PLEC: variants seen among roughly 807,000 people sequenced by gnomAD.
PLEC encodes the protein hemidesmosomal protein 1.
Under a neutral mutation model 392.8 loss-of-function variants are expected in PLEC, and 216 were observed. That is an observed-to-expected ratio of 0.55 (90% CI 0.49 to 0.62). The LOEUF is 0.62. PLEC is among the 20% of genes least tolerant of loss of function. The pLI is 0.00. For synonymous variants in PLEC, 3,621 were observed against 2,980.6 expected (o/e 1.21, Z -7.00); for missense variants, 6,863 against 6,563.4 (o/e 1.05, Z -1.58).
Position 143,934,285 on chromosome 8 carries a change from G to C in PLEC, c.1169+33C>G, listed in dbSNP as rs541672848. On this transcript the variant is annotated intron_variant, in intron 11 of 31. Coordinates refer to ENST00000345136, the MANE Select transcript of PLEC (RefSeq NM_201384.3). Reference sequence around the variant, plus strand: ...TTCCCAGGCAGTGACACACCCTCGGGTGGTTCCCCTGCCACCACAGGGCCC... The same window carrying C: ...TTCCCAGGCAGTGACACACCCTCGGCTGGTTCCCCTGCCACCACAGGGCCC... 2.2e-5 allele frequency: 36 copies of C among 1,610,170 alleles called. No homozygotes were observed. In the South Asian group the frequency reaches 2.9e-4, roughly 13 times the overall value.
In PLEC at chr8:143,962,448, G is replaced by C. The variant is rs908593695; in HGVS notation, c.70+10955C>G. ...GGCGCCCTGCCTGTGGCTCTTCCCTGTGGGAATCAAAGGAAATCAATACAG... is the reference window on the plus strand; with the variant it reads ...GGCGCCCTGCCTGTGGCTCTTCCCTCTGGGAATCAAAGGAAATCAATACAG... On this transcript the variant is annotated intron_variant, in intron 1 of 31. Coordinates refer to the PLEC transcript ENST00000356346. 7.0e-4 allele frequency among the ~76,000 whole-genome samples: 107 copies of C among 152,240 alleles called. 1 individual carries two copies. Among genetic ancestry groups the C allele is most frequent in the Non-Finnish European group, 1.2e-3 (85 of 68,042 alleles).
chr8:143,955,198 C>G (rs146566239), upstream of PLEC, among the ~76,000 whole-genome samples: 3 of 152,130 alleles, frequency 2.0e-5, no homozygotes, highest in African/African-American at 4.8e-5. Flanking sequence ...AATTTCAGGC[C>G]GGGCACGGGG....
Position 143,917,328 on chromosome 8 carries a change from G to T in PLEC, c.12493C>A (p.His4165Asn). The change falls in exon 32 of 32, where the codon CAC (histidine) becomes AAC (asparagine). Residue 4165 changes from histidine (H) to asparagine (N), a missense_variant. Coordinates refer to ENST00000345136, the MANE Select transcript of PLEC (RefSeq NM_201384.3). ...TCGGACAGCTCCAGGTACGTCTGGT[G>T]GTCAATCAGGCCCTTGCGGTAGGCC... ...YEAYRKGLID[H>N]QTYLELSEQE... The T allele has an allele frequency of 6.2e-7, 1 of 1,609,704 alleles. No individual in the cohort carries two copies. Among genetic ancestry groups the T allele is most frequent in the South Asian group, 1.1e-5 (1 of 91,078 alleles).
In PLEC at chr8:143,929,773, G is replaced by C. The variant is rs1554711957; in HGVS notation, c.2796C>G (p.His932Gln). 1.2e-6 allele frequency: 2 copies of C among 1,600,610 alleles called. No individual in the cohort carries two copies. The highest frequency in any genetic ancestry group is 4.5e-5 in the East Asian group (2 of 44,842). Residue 932 changes from histidine (H) to glutamine (Q), a missense_variant, in exon 23 of 32, where the codon CAC (histidine) becomes CAG (glutamine). Transcript: ENST00000345136. The part of the protein sequence containing the change: ...QRQALHSLEL[H>Q]YQAFLRDSQD... ...GGCTGTCCCGCAGGAAGGCCTGGTA[G>C]TGCAGCTCCAGGCTGTGCAGGGCTT...
Position 143,939,447 on chromosome 8 carries a change from CT to C in PLEC, c.14del (p.Gln5ArgfsTer111). Reference protein sequence around the residue: MSQHQLRVPQPEGLG... With the variant: MSQHXLRVPQPEGLG... ...GGCCCTCGGGCTGCGGCACGCGGAG[CT>C]GGTGCTGAGACATGCTGCCCCCACA... is the stretch of plus-strand genomic sequence containing the variant. On this transcript the variant is annotated frameshift_variant, in exon 1 of 32. Coordinates refer to ENST00000345136, the MANE Select transcript of PLEC (RefSeq NM_201384.3). LOFTEE classifies it high-confidence loss of function. The C allele has an allele frequency of 6.2e-7, 1 of 1,611,820 alleles. No homozygotes were observed. The highest frequency in any genetic ancestry group is 8.5e-7 in the Non-Finnish European group (1 of 1,179,620).
intron 1 of PLEC, among the ~76,000 whole-genome samples, chr8:143,968,678 C>T (rs370602536): frequency 3.3e-5 from 5 of 152,166 alleles, no homozygotes; most frequent in African/African-American, 1.2e-4. Context: ...AAGGTAAATT[C>T]TAAAATGGAC....
At position 143,937,046 on chromosome 8, in the gene PLEC, T is replaced by C; in HGVS notation, c.368A>G (p.Asp123Gly). 1 of 1,613,012 alleles carries C rather than the reference T, an allele frequency of 6.2e-7. No homozygotes were observed. The highest frequency in any genetic ancestry group is 8.5e-7 in the Non-Finnish European group (1 of 1,179,780). ...RQVKLVNIRN[D>G]DIADGNPKLT... The stretch of plus-strand genomic sequence containing the variant: ...CTTGGGGTTGCCGTCAGCGATGTCA[T>C]CATTCCTGATGTTCACCAGCTTCAC... The change falls in exon 5 of 32, where the codon GAT becomes GGT. Residue 123 changes from aspartate (D) to glycine (G), a missense_variant. Coordinates refer to ENST00000345136, the MANE Select transcript of PLEC (RefSeq NM_201384.3).
chr8:143,945,086 G>T (rs1257537563), intron 1 of PLEC: 2 of 400,726 alleles, frequency 5.0e-6, no homozygotes, highest in Non-Finnish European at 9.7e-6. Flanking sequence ...GCCAGGGGGT[G>T]CTCTTGGAAA....
chr8:143,946,135 GTTC>G (rs1260107276), intron 1 of PLEC, among the ~76,000 whole-genome samples: 3 of 152,350 alleles, frequency 2.0e-5, no homozygotes, highest in Non-Finnish European at 2.9e-5. Flanking sequence ...GCAGCGGGCA[GTTC>G]TTCTACCACT....
At chr8:143,950,939 C>T (rs1832086194), upstream of PLEC, 3 of 865,778 alleles carry the variant, frequency 3.5e-6, no homozygotes, top group Admixed American at 7.0e-5. Flanking sequence ...CGGCTGCCCG[C>T]CTTCCTCCAG....
At chr8:143,946,381 G>A in intron 1 of PLEC, 3 of 1,288,946 alleles carry the variant, frequency 2.3e-6, no homozygotes, top group South Asian at 1.2e-5. Context: ...CCTCCATGCT[G>A]TACCTGTCCA....
chr8:143,929,060 C>T (rs553986502), intron 25 of PLEC, 43 bp downstream of exon 25: 18 of 1,535,758 alleles, frequency 1.2e-5, no homozygotes, highest in East Asian at 4.9e-5. Context: ...CCCAGCACCC[C>T]CCAGCCGACC....
At chr8:143,928,138 T>C in intron 25 of PLEC, 146 bp from the exon 26 acceptor site, 2 of 970,856 alleles carry the variant, frequency 2.1e-6, no homozygotes, top group Non-Finnish European at 3.0e-6. Context: ...GTCAGAGGCT[T>C]GCTTCAGGAG....
At chr8:143,937,322 G>T in intron 3 of PLEC, 80 bp from the exon 4 acceptor site, 1 of 1,055,490 alleles carries the variant, frequency 9.5e-7, no homozygotes, top group Non-Finnish European at 1.5e-6. Flanking sequence ...AAGCGCCGCA[G>T]CAACCGAGCC....
chr8:143,945,023 G>C (rs546102266), intron 1 of PLEC, among the ~76,000 whole-genome samples: 1 of 146,068 alleles, frequency 6.8e-6, no homozygotes, highest in Non-Finnish European at 1.5e-5. Flanking sequence ...CGGGAGGTGC[G>C]GGCTCACGTC....
rs1338771192 is a variant in PLEC at position 143,923,724 on chromosome 8, G to A, written c.6205C>T (p.Leu2069=). 1 of 1,544,546 alleles carries A rather than the reference G, an allele frequency of 6.5e-7. No homozygotes were observed. The highest frequency in any genetic ancestry group is 8.7e-7 in the Non-Finnish European group (1 of 1,151,334). ...QQKEQELQQT[L]QQEQSVLDQL... The stretch of plus-strand genomic sequence containing the variant: ...TCCAGCACGCTCTGCTCCTGCTGCA[G>A]CGTCTGCTGTAGCTCCTGCTCCTTC... The change falls in exon 31 of 32, where the codon CTG becomes TTG. Residue 2069 remains leucine, a synonymous_variant. Transcript: ENST00000345136.
At chr8:143,964,997 A>AC (rs1230526765) in intron 1 of PLEC, among the ~76,000 whole-genome samples, 7 of 14,778 alleles carry the variant, frequency 4.7e-4, no homozygotes, top group Admixed American at 7.3e-4. Context: ...ACCAACCCCC[A>AC]CCCCCCCGCC....
Position 143,934,011 on chromosome 8 carries a change from G to T in PLEC, c.1250C>A (p.Ala417Asp). The T allele has an allele frequency of 6.2e-7, 1 of 1,607,568 alleles. No homozygotes were observed. Among genetic ancestry groups the T allele is most frequent in the Non-Finnish European group, 8.5e-7 (1 of 1,178,930 alleles). ...LCEEQLNQAD[A>D]LLQSDVRLLA... Reference sequence around the variant, plus strand: ...ACACCCCCTCACCGACTGCAGCAGGGCGTCGGCCTGGTTCAGCTGCTCCTC... The same window carrying T: ...ACACCCCCTCACCGACTGCAGCAGGTCGTCGGCCTGGTTCAGCTGCTCCTC... Residue 417 changes from alanine to aspartate, a missense_variant, in exon 12 of 32, where the codon GCC (alanine) becomes GAC (aspartate). Coordinates refer to ENST00000345136, the MANE Select transcript of PLEC (RefSeq NM_201384.3).
At position 143,919,355 on chromosome 8, in the gene PLEC, T is replaced by G; in HGVS notation, c.10466A>C (p.Tyr3489Ser). Residue 3489 changes from tyrosine to serine, a missense_variant, in exon 32 of 32, where the codon TAC (tyrosine) becomes TCC (serine). By Grantham distance (144) the Tyr-to-Ser change is moderately radical. Coordinates refer to ENST00000345136, the MANE Select transcript of PLEC (RefSeq NM_201384.3). ...HSHRVPVDVA[Y>S]QRGYFSEEMN... ...CTCCTCACTGAAGTAGCCGCGCTGGTAGGCCACGTCCACAGGCACGCGGTG... is the reference window on the plus strand; with the variant it reads ...CTCCTCACTGAAGTAGCCGCGCTGGGAGGCCACGTCCACAGGCACGCGGTG... The G allele has an allele frequency of 1.9e-6, 3 of 1,613,870 alleles. No homozygotes were observed. The highest frequency in any genetic ancestry group is 2.5e-6 in the Non-Finnish European group (3 of 1,180,024).
Sources: allele counts gnomAD v4.1 joint callset (sites outside exome capture counted in the v4.1 genomes callset), GRCh38; gene constraint gnomAD v4.1.1; transcripts MANE v1.5; gene names NCBI Gene and HGNC (gene_info 2026-07-23, HGNC 2026-07-21).